The following MAP3K4 variants were observed in gnomAD, a reference collection of about 807,000 sequenced individuals.
The protein encoded by MAP3K4 is mitogen-activated protein kinase kinase kinase 4, also known as MAP three kinase 1.
A neutral mutation model predicts 185.6 loss-of-function variants in MAP3K4; 67 were observed. That is an observed-to-expected ratio of 0.36 (90% CI 0.30 to 0.44). MAP3K4 has a LOEUF of 0.44. MAP3K4 is among the 20% of genes least tolerant of loss of function. The pLI is 1.00. For missense variants in MAP3K4, 1,551 were observed against 1,995.1 expected (o/e 0.78, Z 4.24); for synonymous variants, 702 against 710.4 (o/e 0.99, Z 0.19).
At chr6:161,035,158 T>C (rs1271282503) in intron 2 of MAP3K4, among the ~76,000 whole-genome samples, 2 of 152,342 alleles carry the variant, frequency 1.3e-5, no homozygotes, top group East Asian at 3.9e-4. Flanking sequence ...GCCTGGAATC[T>C]TGTGGTTTTA....
intron 2 of MAP3K4, among the ~76,000 whole-genome samples, chr6:161,036,354 T>C (rs1355891663): frequency 6.6e-6 from 1 of 152,164 alleles, no homozygotes; most frequent in African/African-American, 2.4e-5. Context: ...CTTAATAAGT[T>C]ATTATTTTTC....
rs112192908 is a variant in MAP3K4, at chr6:161,088,447, T to C, written c.2823+493T>C. Among the ~76,000 whole-genome samples the C allele has an allele frequency of 1.2e-3, 182 of 152,314 alleles. 1 individual carries two copies. The highest frequency in any genetic ancestry group is 4.0e-3 in the African/African-American group (168 of 41,558). ...TCTGTGTTCAGCTTAGGAACAGTCA[T>C]GGTGAGTGTTCATATGCACCTTGAG... On this transcript the variant is annotated intron_variant, in intron 10 of 26. Coordinates refer to ENST00000392142, the MANE Select transcript of MAP3K4 (RefSeq NM_005922.4). This position sits in a 1 kb window ranked among gnomAD's most constrained non-coding sequence, Gnocchi z 4.5.
Position 161,054,239 on chromosome 6 carries a change from T to C in MAP3K4, c.1707+4260T>C, listed in dbSNP as rs1784135643. On this transcript the variant is annotated intron_variant, in intron 3 of 26. Coordinates refer to ENST00000392142, the MANE Select transcript of MAP3K4 (RefSeq NM_005922.4). This position sits in a 1 kb window ranked among gnomAD's most constrained non-coding sequence, Gnocchi z 4.2. ...GCGCTATCTCAGCTCCCTGAGACCT[T>C]TGCCTTGGGGGTTCAGGCTATTCTC... 6.6e-6 allele frequency among the ~76,000 whole-genome samples: 1 copy of C among 151,928 alleles called. No individual in the cohort carries two copies. Among genetic ancestry groups the C allele is most frequent in the Non-Finnish European group, 1.5e-5 (1 of 67,988 alleles).
In MAP3K4 at chr6:161,092,050, G is replaced by T; in HGVS notation, c.3176G>T (p.Arg1059Ile). ...EVVRLMSGEF[R>I]QKIGDKYISF... ...GTTCGTTTGATGTCTGGGGAGTTTA[G>T]ACAGAAGATAGGAGACAAATATATA... Residue 1059 changes from arginine to isoleucine, a missense_variant, in exon 13 of 27, where the codon AGA (arginine) becomes ATA (isoleucine). Transcript: ENST00000392142. 6.2e-7 allele frequency: 1 copy of T among 1,613,574 alleles called. No homozygotes were observed. Among genetic ancestry groups the T allele is most frequent in the Non-Finnish European group, 8.5e-7 (1 of 1,179,590 alleles).
At chr6:161,105,950 C>T (rs1778049186) in intron 19 of MAP3K4, among the ~76,000 whole-genome samples, 1 of 151,842 alleles carries the variant, frequency 6.6e-6, no homozygotes, top group African/African-American at 2.4e-5. Context: ...ATCCTCCCAC[C>T]TCAGCCTCCC....
rs1040076682 is a variant in MAP3K4, at chr6:161,076,615, C to A, written c.2097+3003C>A. On this transcript the variant is annotated intron_variant, in intron 5 of 26. Transcript: ENST00000392142. This position sits in a 1 kb window ranked among gnomAD's most constrained non-coding sequence, Gnocchi z 4.2. Reference sequence around the variant, plus strand: ...AACATAATAATACATGATGTAGGAACATGTGACAGCCTTAAGGAAACCACT... The same window carrying A: ...AACATAATAATACATGATGTAGGAAAATGTGACAGCCTTAAGGAAACCACT... Among the ~76,000 whole-genome samples the A allele has an allele frequency of 1.5e-4, 23 of 152,090 alleles. No individual in the cohort carries two copies. The highest frequency in any genetic ancestry group is 5.3e-4 in the African/African-American group (22 of 41,414).
At chr6:161,003,414 A>G (rs1781423519) in intron 1 of MAP3K4, among the ~76,000 whole-genome samples, 1 of 152,222 alleles carries the variant, frequency 6.6e-6, no homozygotes, top group South Asian at 2.1e-4. Context: ...GTCCTGTGTA[A>G]TTCTTTTTCC....
In MAP3K4 at chr6:161,110,441, G is replaced by A. The variant is rs925697570; in HGVS notation, c.4396+527G>A. Among the ~76,000 whole-genome samples the A allele has an allele frequency of 2.6e-5, 4 of 152,192 alleles. No homozygotes were observed. The highest frequency in any genetic ancestry group is 6.5e-5 in the Admixed American group (1 of 15,280). On this transcript the variant is annotated intron_variant, in intron 23 of 26. Coordinates refer to ENST00000392142, the MANE Select transcript of MAP3K4 (RefSeq NM_005922.4). This position sits in a 1 kb window ranked among gnomAD's most constrained non-coding sequence, Gnocchi z 4.8. ...ATTAAAAGTGCTCTTCTCATAGCACGAGGGGAATAGCTGGGCTTCTGTCTC... is the reference window on the plus strand; with the variant it reads ...ATTAAAAGTGCTCTTCTCATAGCACAAGGGGAATAGCTGGGCTTCTGTCTC...
chr6:161,079,675 C>T (rs1408145389), intron 5 of MAP3K4, among the ~76,000 whole-genome samples: 1 of 152,156 alleles, frequency 6.6e-6, no homozygotes, highest in Non-Finnish European at 1.5e-5. Flanking sequence ...TGGGGGAGCT[C>T]ACCAAGAAGT....
chr6:161,107,763 A>G lies in MAP3K4; in HGVS notation c.4049-136A>G. On this transcript the variant is annotated intron_variant, in intron 20 of 26. Coordinates refer to ENST00000392142, the MANE Select transcript of MAP3K4 (RefSeq NM_005922.4). This position sits in a 1 kb window ranked among gnomAD's most constrained non-coding sequence, Gnocchi z 6.2. ...TTAGAAAAATTTTGGATCTTGCAAT[A>G]GTAAACTGCAGTAAACATAATTATA... is the stretch of plus-strand genomic sequence containing the variant. The G allele has an allele frequency of 1.7e-6, 1 of 600,244 alleles. No homozygotes were observed. The allele number at this position is 600,244 out of a possible 1,614,324, so 37.2% of individuals were successfully genotyped here. A position where few individuals can be genotyped will look rare whatever the true frequency, so the allele number is the denominator to read the frequency against.
At chr6:161,062,131 C>T (rs1784512106) in intron 3 of MAP3K4, among the ~76,000 whole-genome samples, 1 of 152,110 alleles carries the variant, frequency 6.6e-6, no homozygotes, top group African/African-American at 2.4e-5. Flanking sequence ...AATATCTTTA[C>T]ATAACACCCT....
At position 161,086,475 on chromosome 6, in the gene MAP3K4, A is replaced by G; in HGVS notation, c.2469A>G (p.Arg823=). ...SKALGFAKML[R]KDLEIAAEFR... is the part of the protein sequence containing the mutation. The stretch of plus-strand genomic sequence containing the variant: ...CACTTGGATTTGCTAAAATGTTGAG[A>G]AAGGTGAGCTTGCAATCCTGATTAA... Residue 823 remains arginine (R), a synonymous_variant, in exon 8 of 27, where the codon AGA becomes AGG. Coordinates refer to ENST00000392142, the MANE Select transcript of MAP3K4 (RefSeq NM_005922.4). The surrounding 1 kb of genome is among the most constrained non-coding windows in gnomAD (Gnocchi z 4.8). The G allele has an allele frequency of 6.2e-7, 1 of 1,613,632 alleles. No homozygotes were observed. The highest frequency in any genetic ancestry group is 1.1e-5 in the South Asian group (1 of 90,996).
In MAP3K4 at chr6:161,017,687, TGTAAA is replaced by T. The variant is rs1439298197; in HGVS notation, c.153-16566_153-16562del. On this transcript the variant is annotated intron_variant, in intron 1 of 26. Transcript: ENST00000392142. The surrounding 1 kb of genome is among the most constrained non-coding windows in gnomAD (Gnocchi z 5.1). ...AAATGAGGTGATTTTTGCCTTTTTA[TGTAAA>T]GTAAACATAAACATATACATATTTT... Among the ~76,000 whole-genome samples, 3 of 152,226 alleles carry T rather than the reference TGTAAA, an allele frequency of 2.0e-5. No individual in the cohort carries two copies. Among genetic ancestry groups the T allele is most frequent in the Non-Finnish European group, 2.9e-5 (2 of 68,032 alleles).
intron 1 of MAP3K4, among the ~76,000 whole-genome samples, chr6:160,997,923 C>CTAG (rs1327655275): frequency 6.6e-6 from 1 of 152,292 alleles, no homozygotes; most frequent in African/African-American, 2.4e-5. Flanking sequence ...GAGCCTAGAG[C>CTAG]TAGCTTCCTG....
chr6:161,092,932 C>A, intron 13 of MAP3K4, 46 bp from the exon 14 acceptor site: 1 of 1,106,960 alleles, frequency 9.0e-7, no homozygotes, highest in Non-Finnish European at 1.4e-6. Context: ...ACTGCTACAG[C>A]GTTTTCTTGG....
In MAP3K4 at chr6:161,007,266, A is replaced by G. The variant is rs555240399; in HGVS notation, c.152+15183A>G. Among the ~76,000 whole-genome samples the G allele has an allele frequency of 1.1e-4, 17 of 152,338 alleles. No individual in the cohort carries two copies. In the East Asian group the frequency reaches 3.3e-3, roughly 29 times the overall value. ...AAAGGAAAAATACAGTGGACAGTTA[A>G]GTAGACGATTTTATTCGGGATATTG... On this transcript the variant is annotated intron_variant, in intron 1 of 26. Transcript: ENST00000392142. This position sits in a 1 kb window ranked among gnomAD's most constrained non-coding sequence, Gnocchi z 4.5.
Position 161,048,122 on chromosome 6 carries a change from C to A in MAP3K4, c.344-494C>A. The A allele has an allele frequency of 2.4e-6, 1 of 415,728 alleles. No individual in the cohort carries two copies. Among genetic ancestry groups the A allele is most frequent in the Non-Finnish European group, 4.7e-6 (1 of 211,668 alleles). 25.8% of individuals were successfully genotyped at this position (415,728 alleles called of 1,614,324 possible). On this transcript the variant is annotated intron_variant, in intron 2 of 26. Transcript: ENST00000392142. The surrounding 1 kb of genome is among the most constrained non-coding windows in gnomAD (Gnocchi z 4.7). ...ATAATCTTAGGGTGCCTTAAGTATT[C>A]TTGCATCAATGTGCCTAATTTTATC... is the stretch of plus-strand genomic sequence containing the variant.
chr6:161,091,288 TG>T lies in MAP3K4; in HGVS notation c.2974-90del. On this transcript the variant is annotated intron_variant, in intron 11 of 26. Coordinates refer to ENST00000392142, the MANE Select transcript of MAP3K4 (RefSeq NM_005922.4). The surrounding 1 kb of genome is among the most constrained non-coding windows in gnomAD (Gnocchi z 5.5). The stretch of plus-strand genomic sequence containing the variant: ...TGAATTGTTTGTAGTGGTTAATGTC[TG>T]TGTGATGATGAACGAAATCTTCCTT... The T allele has an allele frequency of 2.5e-5, 26 of 1,041,256 alleles. No homozygotes were observed. The highest frequency in any genetic ancestry group is 3.6e-5 in the Non-Finnish European group (26 of 712,882). 64.5% of individuals were successfully genotyped at this position (1,041,256 alleles called of 1,614,324 possible). A position where few individuals can be genotyped will look rare whatever the true frequency, so the allele number is the denominator to read the frequency against.
In MAP3K4 at chr6:161,110,414, G is replaced by A. The variant is rs1007507353; in HGVS notation, c.4396+500G>A. Reference sequence around the variant, plus strand: ...TGAAGGTTATTTTGGCCATGCTGATGGATTAAAAGTGCTCTTCTCATAGCA... The same window carrying A: ...TGAAGGTTATTTTGGCCATGCTGATAGATTAAAAGTGCTCTTCTCATAGCA... On this transcript the variant is annotated intron_variant, in intron 23 of 26. Transcript: ENST00000392142. This position sits in a 1 kb window ranked among gnomAD's most constrained non-coding sequence, Gnocchi z 4.8. 2.6e-5 allele frequency among the ~76,000 whole-genome samples: 4 copies of A among 152,174 alleles called. No individual in the cohort carries two copies. The highest frequency in any genetic ancestry group is 2.0e-4 in the Admixed American group (3 of 15,288).
Sources: allele counts gnomAD v4.1 joint callset (sites outside exome capture counted in the v4.1 genomes callset), GRCh38; gene constraint gnomAD v4.1.1; non-coding constraint Gnocchi (gnomAD v3.1); transcripts MANE v1.5; gene names NCBI Gene and HGNC (gene_info 2026-07-23, HGNC 2026-07-21).